The following RARB variants were observed in gnomAD, a reference collection of about 807,000 sequenced individuals.
The protein encoded by RARB is HBV-activated protein.
RARB carries 17 observed loss-of-function variants against 51.9 expected under a neutral mutation model. That is an observed-to-expected ratio of 0.33 (90% CI 0.22 to 0.49). The LOEUF is 0.49. Among genes scored for constraint, RARB ranks in the 20% least tolerant of loss-of-function variants. The pLI is 0.99. For synonymous variants in RARB, 215 were observed against 195.4 expected, an observed-to-expected ratio of 1.10 and a Z score of -0.84; for missense variants, 369 against 550.8, an observed-to-expected ratio of 0.67 and a Z score of 3.30.
intron 2 of RARB, among the ~76,000 whole-genome samples, chr3:24,992,907 GATTT>G (rs564772691): frequency 6.9e-4 from 105 of 152,166 alleles, no homozygotes; most frequent in Non-Finnish European, 1.2e-3. Context: ...CAATTGCATA[GATTT>G]ATTTGAGTTT....
At chr3:24,976,696 G>T (rs183848288) in intron 2 of RARB, among the ~76,000 whole-genome samples, 156 of 152,092 alleles carry the variant, frequency 1.0e-3, no homozygotes, top group African/African-American at 3.4e-3. Context: ...AAAATTTTCT[G>T]TCATTCTGTA....
At chr3:25,262,297 A>G (rs1376641439) in intron 5 of RARB, among the ~76,000 whole-genome samples, 1 of 152,134 alleles carries the variant, frequency 6.6e-6, no homozygotes, top group Non-Finnish European at 1.5e-5. Context: ...CCCTCCCAGA[A>G]GATGCGCTCC....
rs73151288 is a variant in RARB at position 25,262,765 on chromosome 3, C to T, written c.178+88190C>T. Among the ~76,000 whole-genome samples, 1,086 of 152,244 alleles carry T rather than the reference C, an allele frequency of 7.1e-3. 10 individuals are homozygous for T. Among genetic ancestry groups the T allele is most frequent in the African/African-American group, 0.025 (1,031 of 41,546 alleles). On this transcript the variant is annotated intron_variant, in intron 5 of 11. Transcript: ENST00000383772. Reference sequence around the variant, plus strand: ...GGTTAGCAAGCTTAATTCCTATATCCTATAATGAAGCATGTTTATAGTTTT... The same window carrying T: ...GGTTAGCAAGCTTAATTCCTATATCTTATAATGAAGCATGTTTATAGTTTT...
At chr3:25,022,866 A>C (rs1483262630) in intron 2 of RARB, among the ~76,000 whole-genome samples, 2 of 152,190 alleles carry the variant, frequency 1.3e-5, no homozygotes, top group East Asian at 3.9e-4. Context: ...GGACAGTCGG[A>C]GATGAGGACA....
chr3:24,876,873 C>T (rs902787426), intron 2 of RARB, among the ~76,000 whole-genome samples: 1 of 152,080 alleles, frequency 6.6e-6, no homozygotes, highest in Non-Finnish European at 1.5e-5. Context: ...GATGCAATGT[C>T]CTTCCCAGGC....
At chr3:25,582,335 C>G (rs1234352974) in intron 5 of RARB, among the ~76,000 whole-genome samples, 2 of 152,144 alleles carry the variant, frequency 1.3e-5, no homozygotes, top group African/African-American at 4.8e-5. Flanking sequence ...ACCACAGTGT[C>G]TGAGTGGTCT....
At chr3:24,885,062 C>G (rs1277087051) in intron 2 of RARB, among the ~76,000 whole-genome samples, 2 of 152,086 alleles carry the variant, frequency 1.3e-5, no homozygotes, top group Non-Finnish European at 2.9e-5. Context: ...TTCAGCTTGT[C>G]TACCAGCTGG....
At position 25,307,060 on chromosome 3, in the gene RARB, A is replaced by G. The variant is rs545940645; in HGVS notation, c.178+132485A>G. Among the ~76,000 whole-genome samples the G allele has an allele frequency of 2.0e-5, 3 of 152,282 alleles. No individual in the cohort carries two copies. In the South Asian group the frequency reaches 6.2e-4, roughly 32 times the overall value. The stretch of plus-strand genomic sequence containing the variant: ...CTGTAGTCTAGAAAACACTCATGAT[A>G]CCTATTAGGTATTTATCCAAATTAG... On this transcript the variant is annotated intron_variant, in intron 5 of 11. Coordinates refer to the RARB transcript ENST00000383772.
chr3:25,038,134 A>T (rs766494830), intron 2 of RARB, among the ~76,000 whole-genome samples: 2 of 152,176 alleles, frequency 1.3e-5, no homozygotes, highest in Non-Finnish European at 2.9e-5. Flanking sequence ...ATCCTTTAGC[A>T]TGGATGGTCT....
intron 3 of RARB, among the ~76,000 whole-genome samples, chr3:25,511,271 TACAGGC>T (rs1697882107): frequency 6.6e-6 from 1 of 152,198 alleles, no homozygotes; most frequent in African/African-American, 2.4e-5. Flanking sequence ...TAGCTGGGAC[TACAGGC>T]GCCCGCCACC....
At chr3:25,210,845 T>G (rs1701679127) in intron 5 of RARB, among the ~76,000 whole-genome samples, 1 of 152,062 alleles carries the variant, frequency 6.6e-6, no homozygotes, top group Admixed American at 6.6e-5. Flanking sequence ...TTTGTCTGAT[T>G]CTTTACAGGA....
At chr3:25,277,502 A>C (rs1575277899) in intron 5 of RARB, among the ~76,000 whole-genome samples, 1 of 152,336 alleles carries the variant, frequency 6.6e-6, no homozygotes, top group East Asian at 1.9e-4. Flanking sequence ...AACAGTTTGC[A>C]AATTGATTTG....
intron 2 of RARB, among the ~76,000 whole-genome samples, chr3:24,944,507 A>C (rs372935536): frequency 6.6e-6 from 1 of 152,202 alleles, no homozygotes; most frequent in East Asian, 1.9e-4. Context: ...AAGGGAGATT[A>C]ACTAAATAAT....
chr3:25,087,612 T>G (rs1699126387), intron 3 of RARB, among the ~76,000 whole-genome samples: 2 of 152,140 alleles, frequency 1.3e-5, no homozygotes, highest in East Asian at 3.9e-4. Context: ...ATAAATTACT[T>G]TGAAGAATAC....
At chr3:25,542,110 G>C (rs1341843611) in intron 3 of RARB, among the ~76,000 whole-genome samples, 1 of 152,236 alleles carries the variant, frequency 6.6e-6, no homozygotes, top group Non-Finnish European at 1.5e-5. Context: ...TGACCAATTA[G>C]TAGTGATCAG....
At chr3:24,956,427 C>G (rs1287741348) in intron 2 of RARB, among the ~76,000 whole-genome samples, 1 of 152,164 alleles carries the variant, frequency 6.6e-6, no homozygotes, top group Non-Finnish European at 1.5e-5. Flanking sequence ...TAACCACCCT[C>G]ATATGAACAA....
chr3:25,107,452 A>C (rs75605913), intron 3 of RARB, among the ~76,000 whole-genome samples: 4,606 of 152,238 alleles, frequency 0.03, 212 homozygotes, highest in African/African-American at 0.1. Context: ...ATTAACTGCT[A>C]TTATTATTTC....
rs533919413 is a variant in RARB at position 25,453,861 on chromosome 3, T to A, written c.158-7332T>A. Among the ~76,000 whole-genome samples, 53 of 152,188 alleles carry A rather than the reference T, an allele frequency of 3.5e-4. No homozygotes were observed. The South Asian group carries it at 9.5e-3, about 27-fold the overall frequency. On this transcript the variant is annotated intron_variant, in intron 1 of 7. Transcript: ENST00000330688. Reference sequence around the variant, plus strand: ...TTCCTTCACTCCCCATCGTCCTCCCTCTCTAGCCACCCCAAACCCGGGACT... The same window carrying A: ...TTCCTTCACTCCCCATCGTCCTCCCACTCTAGCCACCCCAAACCCGGGACT...
At chr3:24,954,249 G>A (rs921135500) in intron 2 of RARB, among the ~76,000 whole-genome samples, 2 of 152,182 alleles carry the variant, frequency 1.3e-5, no homozygotes, top group African/African-American at 4.8e-5. Context: ...AAATGATGGT[G>A]AGGTGTAGGA....
Sources: allele counts gnomAD v4.1 joint callset (sites outside exome capture counted in the v4.1 genomes callset), GRCh38; gene constraint gnomAD v4.1.1; transcripts MANE v1.5; gene names NCBI Gene and HGNC (gene_info 2026-07-23, HGNC 2026-07-21).